The following PADI2 variants were observed in gnomAD, a reference collection of about 807,000 sequenced individuals.
The protein encoded by PADI2 is protein-arginine deiminase type-2.
PADI2 carries 70 observed loss-of-function variants against 81.1 expected under a neutral mutation model. That is an observed-to-expected ratio of 0.86 (90% CI 0.71 to 1.05). The LOEUF is 1.05. Among genes scored for constraint, PADI2 ranks in the 50% least tolerant of loss-of-function variants. PADI2 has a pLI of 0.00. For missense variants in PADI2, 853 were observed against 889.9 expected, an observed-to-expected ratio of 0.96 and a Z score of 0.53; for synonymous variants, 338 against 358.0, an observed-to-expected ratio of 0.94 and a Z score of 0.63.
intron 8 of PADI2, 138 bp from the exon 9 acceptor site, chr1:17,083,975 C>G: frequency 1.6e-6 from 1 of 621,956 alleles, no homozygotes; most frequent in South Asian, 1.9e-5. Context: ...TCACGGCCAC[C>G]TTTATAAAGG....
chr1:17,069,980 G>A, intron 15 of PADI2, 108 bp downstream of exon 15: 1 of 1,302,078 alleles, frequency 7.7e-7, no homozygotes, highest in East Asian at 2.6e-5. Flanking sequence ...AGCTCAGCCA[G>A]GATTGGGACC....
intron 11 of PADI2, among the ~76,000 whole-genome samples, chr1:17,076,956 G>T (rs1045272272): frequency 2.0e-5 from 3 of 152,060 alleles, no homozygotes; most frequent in Non-Finnish European, 4.4e-5. Context: ...TCCTTAGGGT[G>T]GCCAACAAAT....
chr1:17,091,028 C>T (rs1057118897), intron 6 of PADI2, among the ~76,000 whole-genome samples: 4 of 151,956 alleles, frequency 2.6e-5, no homozygotes, highest in Non-Finnish European at 5.9e-5. Context: ...ATGGTGTCAA[C>T]ATCAACATCT....
Position 17,084,629 on chromosome 1 carries a change from A to G in PADI2, c.908T>C (p.Ile303Thr). 6.3e-7 allele frequency: 1 copy of G among 1,583,098 alleles called. No individual in the cohort carries two copies. The highest frequency in any genetic ancestry group is 8.6e-7 in the Non-Finnish European group (1 of 1,164,422). ...CACAAACACCGACACGGGAGGCAGG[A>G]TGTTGGGGGTCATGATCCACGGAGC... ...RIAPWIMTPN[I>T]LPPVSVFVCC... Residue 303 changes from isoleucine (I) to threonine (T), a missense_variant, in exon 8 of 16, where the codon ATC becomes ACC. Physicochemically the swap from Ile to Thr is moderately conservative, Grantham distance 89. Transcript: ENST00000375486.
chr1:17,109,389 TAAAAAAAAAAAAAAAAA>T (rs566123530), intron 1 of PADI2, among the ~76,000 whole-genome samples: 2 of 50,086 alleles, frequency 4.0e-5, no homozygotes, highest in Non-Finnish European at 6.9e-5. Flanking sequence ...CTCTGTCTAT[TAAAAAAAAAAAAAAAAA>T]AAAAAAAAAA....
intron 1 of PADI2, among the ~76,000 whole-genome samples, chr1:17,113,308 C>A (rs939398623): frequency 6.6e-6 from 1 of 151,906 alleles, no homozygotes; most frequent in Non-Finnish European, 1.5e-5. Flanking sequence ...ACTAGACCAC[C>A]AGGGAACTGA....
At chr1:17,109,389 TAAAAAAA>T (rs566123530) in intron 1 of PADI2, among the ~76,000 whole-genome samples, 1 of 50,070 alleles carries the variant, frequency 2.0e-5, no homozygotes, top group Non-Finnish European at 3.4e-5. Context: ...CTCTGTCTAT[TAAAAAAA>T]AAAAAAAAAA....
rs79581770 is a variant in PADI2, at chr1:17,110,033, C to T, written c.93-4972G>A. ...CCCCACACCCTCCTATTCCCCAGCA[C>T]CAGCCCTGTTCTGAGCTGAGCAAAC... On this transcript the variant is annotated intron_variant, in intron 1 of 15. Coordinates refer to ENST00000375486, the MANE Select transcript of PADI2 (RefSeq NM_007365.3). Among the ~76,000 whole-genome samples the T allele has an allele frequency of 6.3e-3, 960 of 152,266 alleles. 4 individuals carry two copies. Among genetic ancestry groups the T allele is most frequent in the East Asian group, 0.035 (180 of 5,174 alleles).
intron 6 of PADI2, among the ~76,000 whole-genome samples, chr1:17,087,941 T>C (rs1930529824): frequency 6.6e-6 from 1 of 152,208 alleles, no homozygotes; most frequent in African/African-American, 2.4e-5. Flanking sequence ...CAACATTCCC[T>C]GTGGGAGAGA....
chr1:17,079,534 G>C, intron 10 of PADI2, 119 bp from the exon 11 acceptor site: 1 of 744,264 alleles, frequency 1.3e-6, no homozygotes, highest in South Asian at 1.8e-5. Flanking sequence ...TTCCAGGTGG[G>C]TTGTCCACGG....
chr1:17,072,618 T>C (rs1642954511), intron 13 of PADI2, among the ~76,000 whole-genome samples: 1 of 152,234 alleles, frequency 6.6e-6, no homozygotes, highest in Admixed American at 6.5e-5. Flanking sequence ...ATCCTCTCTC[T>C]GTCTGTCCCA....
At chr1:17,077,440 C>G (rs1403458844) in intron 11 of PADI2, among the ~76,000 whole-genome samples, 1 of 152,184 alleles carries the variant, frequency 6.6e-6, no homozygotes, top group Non-Finnish European at 1.5e-5. Flanking sequence ...AGGGCCGCCC[C>G]TGAGCTCCTC....
At chr1:17,107,949 C>CTT (rs565293543) in intron 1 of PADI2, among the ~76,000 whole-genome samples, 9 of 140,158 alleles carry the variant, frequency 6.4e-5, no homozygotes, top group Admixed American at 1.4e-4. Flanking sequence ...GCATCCATCA[C>CTT]TTTTTTTTTT....
At chr1:17,086,124 G>T (rs893696587) in intron 7 of PADI2, among the ~76,000 whole-genome samples, 1 of 152,208 alleles carries the variant, frequency 6.6e-6, no homozygotes, top group Non-Finnish European at 1.5e-5. Context: ...GGAGGGGTCA[G>T]AGTGGGGCAG....
At chr1:17,111,695 C>A (rs1218549266) in intron 1 of PADI2, among the ~76,000 whole-genome samples, 1 of 152,218 alleles carries the variant, frequency 6.6e-6, no homozygotes, top group Non-Finnish European at 1.5e-5. Flanking sequence ...AGTTTCTGAT[C>A]TATCGACTGT....
chr1:17,094,881 T>C (rs1025627841), intron 4 of PADI2, among the ~76,000 whole-genome samples: 6 of 152,146 alleles, frequency 3.9e-5, no homozygotes, highest in African/African-American at 1.4e-4. Context: ...GGCTTGGCCA[T>C]AGACTCAGAG....
At chr1:17,085,591 C>A (rs1050032181) in intron 7 of PADI2, among the ~76,000 whole-genome samples, 17 of 152,204 alleles carry the variant, frequency 1.1e-4, no homozygotes, top group Admixed American at 1.0e-3. Flanking sequence ...AACTTTTGGA[C>A]GTTCTGTCTT....
At chr1:17,077,957 A>T (rs1431921988) in intron 11 of PADI2, among the ~76,000 whole-genome samples, 1 of 151,930 alleles carries the variant, frequency 6.6e-6, no homozygotes, top group East Asian at 1.9e-4. Flanking sequence ...GGAGCCAGGG[A>T]CTCACATTTC....
chr1:17,107,640 CT>C (rs1931430080), intron 1 of PADI2, among the ~76,000 whole-genome samples: 1 of 152,224 alleles, frequency 6.6e-6, no homozygotes, highest in African/African-American at 2.4e-5. Context: ...CTGCGGTCCA[CT>C]GCTGAGAGCC....
Sources: allele counts gnomAD v4.1 joint callset (sites outside exome capture counted in the v4.1 genomes callset), GRCh38; gene constraint gnomAD v4.1.1; transcripts MANE v1.5; gene names NCBI Gene and HGNC (gene_info 2026-07-23, HGNC 2026-07-21).